Variants in SLC7A2 observed in about 807,000 individuals in gnomAD.
The protein encoded by SLC7A2 is cationic amino acid transporter 2.
A neutral mutation model predicts 58.9 loss-of-function variants in SLC7A2; 48 were observed. The ratio of observed to expected loss-of-function variants is 0.82; its 90% confidence interval spans 0.65 to 1.04. The LOEUF is 1.04. SLC7A2 is among the 50% of genes least tolerant of loss of function. The probability of loss-of-function intolerance (pLI) is 0.00; values close to 1 mark genes in which losing one functional copy is unlikely to be tolerated. For synonymous variants in SLC7A2, 363 were observed against 314.5 expected (o/e 1.15, Z -1.63); for missense variants, 1,029 against 818.8 (o/e 1.26, Z -3.13).
Position 17,512,645 on chromosome 8 carries a change from T to C in SLC7A2, c.-23+10343T>C, listed in dbSNP as rs11997521. On this transcript the variant is annotated intron_variant, in intron 2 of 12. Coordinates refer to ENST00000494857, the MANE Select transcript of SLC7A2 (RefSeq NM_001370338.1). ...GGTTTTTTTCCCCCTATATTTAAAA[T>C]CGCAGTTAGTAGACATAACACAAAA... Among the ~76,000 whole-genome samples, 1,446 of 152,170 alleles carry C rather than the reference T, an allele frequency of 9.5e-3. 22 individuals carry two copies. Among genetic ancestry groups the C allele is most frequent in the African/African-American group, 0.033 (1,382 of 41,516 alleles).
At chr8:17,563,222 G>A (rs1803104688) in intron 11 of SLC7A2, among the ~76,000 whole-genome samples, 1 of 152,144 alleles carries the variant, frequency 6.6e-6, no homozygotes, top group African/African-American at 2.4e-5. Flanking sequence ...TCCCATTTGA[G>A]CTAACCGTAT....
intron 2 of SLC7A2, among the ~76,000 whole-genome samples, chr8:17,507,201 C>G (rs1252405318): frequency 2.0e-5 from 3 of 152,030 alleles, no homozygotes; most frequent in Non-Finnish European, 4.4e-5. Context: ...CGCTTCGGCC[C>G]CACAAAGTGC....
chr8:17,554,093 G>A (rs1802577354), intron 7 of SLC7A2, among the ~76,000 whole-genome samples: 1 of 152,016 alleles, frequency 6.6e-6, no homozygotes. Flanking sequence ...TACAATAAAT[G>A]CAAAAAATAT....
At chr8:17,518,368 C>A (rs1585198881) in intron 2 of SLC7A2, among the ~76,000 whole-genome samples, 1 of 152,118 alleles carries the variant, frequency 6.6e-6, no homozygotes, top group South Asian at 2.1e-4. Flanking sequence ...TGACAAGTTT[C>A]TTTCCTTAAG....
intron 2 of SLC7A2, among the ~76,000 whole-genome samples, chr8:17,524,436 A>G (rs1425087511): frequency 6.6e-6 from 1 of 151,834 alleles, no homozygotes; most frequent in Non-Finnish European, 1.5e-5. Context: ...ACACACACAC[A>G]CACACACACA....
intron 2 of SLC7A2, among the ~76,000 whole-genome samples, chr8:17,519,862 C>G (rs1585200667): frequency 6.6e-6 from 1 of 152,116 alleles, no homozygotes; most frequent in Non-Finnish European, 1.5e-5. Context: ...TCCATAAAAC[C>G]TTCTAGAGTG....
chr8:17,498,993 A>C (rs1251282926), intron 1 of SLC7A2: 1 of 152,046 alleles, frequency 6.6e-6, no homozygotes, highest in Non-Finnish European at 1.5e-5. Context: ...GAAGAATTTT[A>C]AAGTTCACGT....
intron 3 of SLC7A2, 116 bp downstream of exon 3, chr8:17,543,831 A>G: frequency 1.1e-6 from 1 of 911,658 alleles, no homozygotes; most frequent in Middle Eastern, 2.3e-4. Flanking sequence ...TGTGTGTCTC[A>G]TTTTTGTCAT....
At position 17,543,822 on chromosome 8, in the gene SLC7A2, G is replaced by C. The variant is rs569519197; in HGVS notation, c.376+107G>C. 1.3e-5 allele frequency: 13 copies of C among 983,110 alleles called. No homozygotes were observed. In the South Asian group the frequency reaches 1.6e-4, roughly 12 times the overall value. The allele number at this position is 983,110 out of a possible 1,614,324, so 60.9% of individuals were successfully genotyped here. The stretch of plus-strand genomic sequence containing the variant: ...GTGTTGGGTACATCACTTGATGTCT[G>C]TGTGTCTCATTTTTGTCATCTCGAA... On this transcript the variant is annotated intron_variant, in intron 3 of 12. Coordinates refer to ENST00000494857, the MANE Select transcript of SLC7A2 (RefSeq NM_001370338.1).
intron 7 of SLC7A2, among the ~76,000 whole-genome samples, chr8:17,554,210 C>A (rs1007827510): frequency 8.5e-5 from 13 of 152,072 alleles, no homozygotes. Context: ...GTTGTTGCTG[C>A]TAAAAATGTC....
intron 2 of SLC7A2, among the ~76,000 whole-genome samples, chr8:17,536,833 C>T (rs1801686624): frequency 1.3e-5 from 2 of 152,096 alleles, no homozygotes; most frequent in Non-Finnish European, 2.9e-5. Flanking sequence ...TGACCTTCGC[C>T]ATTAGCTTCT....
At chr8:17,500,333 C>A (rs1358350170) in intron 1 of SLC7A2, 1 of 152,162 alleles carries the variant, frequency 6.6e-6, no homozygotes, top group African/African-American at 2.4e-5. Context: ...ACAAATTTGT[C>A]CGCATTCCTC....
chr8:17,552,078 C>G, intron 7 of SLC7A2, 92 bp downstream of exon 7: 2 of 878,800 alleles, frequency 2.3e-6, no homozygotes, highest in East Asian at 2.5e-5. Flanking sequence ...TAAAAAGTAT[C>G]CTAATAGAAA....
chr8:17,527,737 T>C (rs548264971), intron 2 of SLC7A2, among the ~76,000 whole-genome samples: 10 of 152,322 alleles, frequency 6.6e-5, no homozygotes, highest in African/African-American at 2.4e-4. Flanking sequence ...CATTTTCTTC[T>C]TCTTATAAGG....
chr8:17,538,963 A>G (rs764871449), intron 2 of SLC7A2: 1 of 1,574,048 alleles, frequency 6.4e-7, no homozygotes, highest in East Asian at 2.2e-5. Flanking sequence ...GATATAGAAG[A>G]TTAAGTTTGA....
chr8:17,497,514 C>T (rs1366712618), intron 1 of SLC7A2, among the ~76,000 whole-genome samples: 1 of 152,164 alleles, frequency 6.6e-6, no homozygotes, highest in Non-Finnish European at 1.5e-5. Flanking sequence ...TCGTCCGGTC[C>T]CTGTGCAGCC....
At chr8:17,500,497 A>G (rs1222590776) in intron 1 of SLC7A2, 1 of 152,222 alleles carries the variant, frequency 6.6e-6, no homozygotes, top group African/African-American at 2.4e-5. Flanking sequence ...ACATGGTGAA[A>G]CCCCGTCTCT....
In SLC7A2 at chr8:17,550,323, A is replaced by T. The variant is rs753209836; in HGVS notation, c.721A>T (p.Thr241Ser). 1.2e-6 allele frequency: 2 copies of T among 1,614,042 alleles called. No individual in the cohort carries two copies. The highest frequency in any genetic ancestry group is 1.7e-5 in the Admixed American group (1 of 59,988). The part of the protein sequence containing the change: ...SAREPPSENG[T>S]SIYGAGGFMP... ...TAGAGAGCCACCTTCTGAAAACGGA[A>T]CAAGTATCTATGGGGCTGGTGGCTT... Residue 241 changes from threonine (T) to serine (S), a missense_variant, in exon 6 of 13, where the codon ACA becomes TCA. Transcript: ENST00000494857.
chr8:17,513,892 C>G (rs1800699929), intron 2 of SLC7A2, among the ~76,000 whole-genome samples: 1 of 152,130 alleles, frequency 6.6e-6, no homozygotes, highest in Non-Finnish European at 1.5e-5. Context: ...ACCTGTCATC[C>G]TGCTCAACAT....
Sources: allele counts gnomAD v4.1 joint callset (sites outside exome capture counted in the v4.1 genomes callset), GRCh38; gene constraint gnomAD v4.1.1; transcripts MANE v1.5; gene names NCBI Gene and HGNC (gene_info 2026-07-23, HGNC 2026-07-21).